AJAP1: variants seen among roughly 807,000 people sequenced by gnomAD.
AJAP1 encodes adherens junction-associated protein 1.
In AJAP1, 5 loss-of-function variants were observed where a neutral mutation model predicts 35.0. The ratio of observed to expected loss-of-function variants is 0.14; its 90% CI spans 0.07 to 0.30. The LOEUF is 0.30. Among genes scored for constraint, AJAP1 ranks in the 10% least tolerant of loss-of-function variants. The pLI is 1.00. For missense variants in AJAP1, 586 were observed against 571.0 expected, an observed-to-expected ratio of 1.03 and a Z score of -0.27; for synonymous variants, 284 against 249.3, an observed-to-expected ratio of 1.14 and a Z score of -1.31.
chr1:4,712,662 A>T lies in AJAP1; in HGVS notation c.792A>T (p.Glu264Asp). Reference sequence around the variant, plus strand: ...CCACCAGTCCCAGCAACAACGGGGAAGTCACCCAGCCCCCAAGGATTCTGG... The same window carrying T: ...CCACCAGTCCCAGCAACAACGGGGATGTCACCCAGCCCCCAAGGATTCTGG... ...EPSTSPSNNG[E>D]VTQPPRILGE... is the part of the protein sequence containing the mutation. Residue 264 changes from glutamate (E) to aspartate (D), a missense_variant, in exon 2 of 6, where the codon GAA (glutamate) becomes GAT (aspartate). Transcript: ENST00000378191. 1 of 1,525,462 alleles carries T rather than the reference A, an allele frequency of 6.6e-7. No homozygotes were observed. The allele number at this position is 1,525,462 out of a possible 1,614,324, so 94.5% of individuals were successfully genotyped here. A position where few individuals can be genotyped will look rare whatever the true frequency, so the allele number is the denominator to read the frequency against.
chr1:4,778,728 T>A (rs1330586765), intron 5 of AJAP1, among the ~76,000 whole-genome samples: 1 of 152,190 alleles, frequency 6.6e-6, no homozygotes, highest in Non-Finnish European at 1.5e-5. Context: ...GCCGGGGATG[T>A]CTGGCATAGG....
chr1:4,755,985 G>C (rs1241172555), intron 2 of AJAP1, among the ~76,000 whole-genome samples: 2 of 152,142 alleles, frequency 1.3e-5, no homozygotes, highest in Admixed American at 1.3e-4. Context: ...ATCAGATATG[G>C]AGGGTGGGGG....
intron 2 of AJAP1, among the ~76,000 whole-genome samples, chr1:4,764,798 G>A (rs1051673758): frequency 7.9e-5 from 12 of 152,140 alleles, no homozygotes; most frequent in African/African-American, 2.7e-4. Context: ...CCAGCCAAAC[G>A]TGCCTCACGT....
At chr1:4,680,289 C>T (rs1016039158) in intron 1 of AJAP1, among the ~76,000 whole-genome samples, 22 of 152,306 alleles carry the variant, frequency 1.4e-4, no homozygotes, top group South Asian at 4.1e-4. Flanking sequence ...CTGGGCACCC[C>T]GTAGCCCAGT....
rs1639764175 is a variant in AJAP1, at chr1:4,692,434, A to G, written c.30-19466A>G. Among the ~76,000 whole-genome samples the G allele has an allele frequency of 6.6e-6, 1 of 152,106 alleles. No individual in the cohort carries two copies. Among genetic ancestry groups the G allele is most frequent in the African/African-American group, 2.4e-5 (1 of 41,408 alleles). ...GGATATAGCCTCCGTGGGACTCATC[A>G]TTACGAGGACTTGTAATTGCTTTGC... On this transcript the variant is annotated intron_variant, in intron 1 of 5. Coordinates refer to ENST00000378191, the MANE Select transcript of AJAP1 (RefSeq NM_018836.4). This position sits in a 1 kb window ranked among gnomAD's most constrained non-coding sequence, Gnocchi z 4.4.
At chr1:4,710,246 A>G (rs1472416446) in intron 1 of AJAP1, among the ~76,000 whole-genome samples, 1 of 152,086 alleles carries the variant, frequency 6.6e-6, no homozygotes, top group African/African-American at 2.4e-5. Flanking sequence ...ACACACTTCT[A>G]TGCTGACACA....
rs193145829 is a variant in AJAP1 at position 4,666,006 on chromosome 1, C to T, written c.29+10552C>T. On this transcript the variant is annotated intron_variant, in intron 1 of 5. Transcript: ENST00000378191. The stretch of plus-strand genomic sequence containing the variant: ...CAGGCGGAGGGAATGGGGTGGCTGC[C>T]GTTTACGGAGCACTGGTGGTGAGTG... Among the ~76,000 whole-genome samples, 6 of 152,276 alleles carry T rather than the reference C, an allele frequency of 3.9e-5. No individual in the cohort carries two copies. The East Asian group carries it at 5.8e-4, about 15-fold the overall frequency.
chr1:4,744,104 G>T (rs1476022558), intron 2 of AJAP1, among the ~76,000 whole-genome samples: 1 of 141,146 alleles, frequency 7.1e-6, no homozygotes, highest in African/African-American at 2.6e-5. Context: ...TAGATCAAAC[G>T]GGCCTTTGAG....
At chr1:4,724,127 C>T (rs540570230) in intron 2 of AJAP1, among the ~76,000 whole-genome samples, 1 of 152,320 alleles carries the variant, frequency 6.6e-6, no homozygotes, top group Admixed American at 6.5e-5. Flanking sequence ...GGTGGCCTCC[C>T]CAGGCTGGGG....
chr1:4,729,473 G>T (rs923537000), intron 2 of AJAP1, among the ~76,000 whole-genome samples: 1 of 139,296 alleles, frequency 7.2e-6, no homozygotes, highest in African/African-American at 2.7e-5. Flanking sequence ...CGAGACTCAC[G>T]GGGTGGGACT....
intron 5 of AJAP1, among the ~76,000 whole-genome samples, chr1:4,778,413 A>G (rs973974055): frequency 5.7e-4 from 87 of 152,314 alleles, no homozygotes; most frequent in Non-Finnish European, 1.6e-4. Context: ...AAGCAGCTGA[A>G]GTTTGAGCAA....
chr1:4,676,149 G>GCAGCA (rs1639357220), intron 1 of AJAP1, among the ~76,000 whole-genome samples: 1 of 152,184 alleles, frequency 6.6e-6, no homozygotes, highest in Non-Finnish European at 1.5e-5. Flanking sequence ...GATGCCCACT[G>GCAGCA]CTGCAGAGGC....
rs1396454505 is a variant in AJAP1, at chr1:4,655,786, C to T, written c.29+332C>T. On this transcript the variant is annotated intron_variant, in intron 1 of 5. Coordinates refer to ENST00000378191, the MANE Select transcript of AJAP1 (RefSeq NM_018836.4). The surrounding 1 kb of genome is among the most constrained non-coding windows in gnomAD (Gnocchi z 6.9). ...TGTCCTGGCCGGCTGCCCCGGCGCG[C>T]CTCCTCCCCGGGGCCCGGGGCGAGG... Among the ~76,000 whole-genome samples, 1 of 148,970 alleles carries T rather than the reference C, an allele frequency of 6.7e-6. No individual in the cohort carries two copies. Among genetic ancestry groups the T allele is most frequent in the Non-Finnish European group, 1.5e-5 (1 of 66,938 alleles).
At chr1:4,730,441 G>A (rs577296230) in intron 2 of AJAP1, among the ~76,000 whole-genome samples, 3 of 152,262 alleles carry the variant, frequency 2.0e-5, no homozygotes, top group African/African-American at 4.8e-5. Context: ...TTGGGAGAGC[G>A]CCTACCTTCC....
At chr1:4,770,926 G>A (rs983597185) in intron 3 of AJAP1, among the ~76,000 whole-genome samples, 2 of 152,098 alleles carry the variant, frequency 1.3e-5, no homozygotes, top group African/African-American at 4.8e-5. Flanking sequence ...TCTGGAGACA[G>A]GGGATGAGAG....
Position 4,780,589 on chromosome 1 carries a change from G to A in AJAP1, c.*60-1956G>A, listed in dbSNP as rs575526568. ...TGATCTGGCGCTAACCCAAAGGCAC[G>A]TCCCCTTTCTTTTTTTTTTCTTTTT... On this transcript the variant is annotated intron_variant, in intron 5 of 5. Coordinates refer to ENST00000378191, the MANE Select transcript of AJAP1 (RefSeq NM_018836.4). Among the ~76,000 whole-genome samples the A allele has an allele frequency of 5.3e-5, 8 of 151,006 alleles. No individual in the cohort carries two copies. In the South Asian group the frequency reaches 1.1e-3, roughly 20 times the overall value.
intron 5 of AJAP1, among the ~76,000 whole-genome samples, chr1:4,778,607 C>G (rs1156891576): frequency 1.4e-5 from 2 of 138,522 alleles, no homozygotes; most frequent in East Asian, 3.9e-4. Flanking sequence ...CTCTCTCTCT[C>G]TCTCTCTTCT....
chr1:4,773,495 T>A (rs1448832274), intron 4 of AJAP1, among the ~76,000 whole-genome samples: 3 of 152,238 alleles, frequency 2.0e-5, no homozygotes, highest in Admixed American at 2.0e-4. Context: ...ACGCCTCTTC[T>A]TGCATGTCCA....
At chr1:4,758,387 G>T (rs1371171066) in intron 2 of AJAP1, among the ~76,000 whole-genome samples, 2 of 152,174 alleles carry the variant, frequency 1.3e-5, no homozygotes, top group Non-Finnish European at 2.9e-5. Flanking sequence ...AAGAAAAGAG[G>T]TTTCATCAAC....
Sources: allele counts gnomAD v4.1 joint callset (sites outside exome capture counted in the v4.1 genomes callset), GRCh38; gene constraint gnomAD v4.1.1; non-coding constraint Gnocchi (gnomAD v3.1); transcripts MANE v1.5; gene names NCBI Gene and HGNC (gene_info 2026-07-23, HGNC 2026-07-21).